Variants in KCNJ6 observed in about 807,000 individuals in gnomAD.
KCNJ6 encodes the protein G protein-activated inward rectifier potassium channel 2.
In KCNJ6, 9 loss-of-function variants were observed where a neutral mutation model predicts 34.2. That is an observed-to-expected ratio of 0.26 (90% CI 0.16 to 0.46). The LOEUF (loss-of-function observed/expected upper bound fraction) is 0.46. Among genes scored for constraint, KCNJ6 ranks in the 20% least tolerant of loss-of-function variants. The pLI is 1.00. For missense variants in KCNJ6, 236 were observed against 531.3 expected, an observed-to-expected ratio of 0.44 and a Z score of 5.46; for synonymous variants, 196 against 207.1, an observed-to-expected ratio of 0.95 and a Z score of 0.46.
At position 37,618,217 on chromosome 21, in the gene KCNJ6, T is replaced by C. The variant is rs2054279648; in HGVS notation, c.*6942A>G. The C allele has an allele frequency of 6.6e-6, 1 of 152,276 alleles. No individual in the cohort carries two copies. The highest frequency in any genetic ancestry group is 1.5e-5 in the Non-Finnish European group (1 of 68,088). 9.4% of individuals were successfully genotyped at this position (152,276 alleles called of 1,614,324 possible). A position where few individuals can be genotyped will look rare whatever the true frequency, so the allele number is the denominator to read the frequency against. ...GCTGAAGACCCAGAGGTTTGGGTAA[T>C]GCACGGCTGACCGAAACTCTGATCT... On this transcript the variant is annotated 3_prime_UTR_variant, in exon 4 of 4. Coordinates refer to ENST00000609713, the MANE Select transcript of KCNJ6 (RefSeq NM_002240.5).
At chr21:37,673,385 C>A (rs780108758) in intron 3 of KCNJ6, among the ~76,000 whole-genome samples, 1 of 152,262 alleles carries the variant, frequency 6.6e-6, no homozygotes, top group African/African-American at 2.4e-5. Flanking sequence ...TCCCCTCCCC[C>A]TCTTCCAGTC....
chr21:37,767,788 A>G (rs2055098639), intron 2 of KCNJ6, among the ~76,000 whole-genome samples: 1 of 152,204 alleles, frequency 6.6e-6, no homozygotes, highest in East Asian at 1.9e-4. Flanking sequence ...CTCTCCCTCC[A>G]ATAGTCCTAA....
At chr21:37,684,776 G>A (rs1440878119) in intron 3 of KCNJ6, among the ~76,000 whole-genome samples, 2 of 152,208 alleles carry the variant, frequency 1.3e-5, no homozygotes, top group African/African-American at 2.4e-5. Flanking sequence ...CTGCCCAGCC[G>A]AGTCAGCGGG....
intron 1 of KCNJ6, among the ~76,000 whole-genome samples, chr21:37,861,034 T>C (rs1005928623): frequency 6.6e-6 from 1 of 152,214 alleles, no homozygotes; most frequent in African/African-American, 2.4e-5. Flanking sequence ...TTTATGAAAC[T>C]ACAGTGAGAA....
chr21:37,773,382 C>T (rs540407115), intron 2 of KCNJ6, among the ~76,000 whole-genome samples: 1 of 152,308 alleles, frequency 6.6e-6, no homozygotes, highest in East Asian at 1.9e-4. Flanking sequence ...TCCTATTTAT[C>T]TTTATCTCAC....
At chr21:37,871,002 C>A (rs2055648983) in intron 1 of KCNJ6, among the ~76,000 whole-genome samples, 1 of 151,924 alleles carries the variant, frequency 6.6e-6, no homozygotes, top group Non-Finnish European at 1.5e-5. Flanking sequence ...TTTTTTTGGC[C>A]ACAATCATGC....
At chr21:37,837,380 A>G (rs1005832331) in intron 2 of KCNJ6, among the ~76,000 whole-genome samples, 3 of 152,316 alleles carry the variant, frequency 2.0e-5, no homozygotes, top group South Asian at 4.1e-4. Flanking sequence ...TTTAAAATCT[A>G]TCTCTTGCTT....
At chr21:37,915,469 A>T (rs2055888735) in intron 1 of KCNJ6, among the ~76,000 whole-genome samples, 1 of 152,158 alleles carries the variant, frequency 6.6e-6, no homozygotes, top group East Asian at 1.9e-4. Flanking sequence ...AAGCAGAACA[A>T]GAAGACTGCC....
chr21:37,752,218 T>G (rs1341823303), intron 2 of KCNJ6, among the ~76,000 whole-genome samples: 1 of 152,174 alleles, frequency 6.6e-6, no homozygotes, highest in East Asian at 1.9e-4. Flanking sequence ...GGGCCAGCCA[T>G]GCTTTGGAGG....
At chr21:37,761,104 G>A (rs577974762) in intron 2 of KCNJ6, among the ~76,000 whole-genome samples, 35 of 152,202 alleles carry the variant, frequency 2.3e-4, no homozygotes, top group African/African-American at 6.3e-4. Context: ...GTGGTGTTGC[G>A]TGTGTGTGTG....
In KCNJ6 at chr21:37,609,445, T is replaced by C. The variant is rs192659686; in HGVS notation, c.*15714A>G. The C allele has an allele frequency of 2.0e-5, 3 of 152,332 alleles. No individual in the cohort carries two copies. The highest frequency in any genetic ancestry group is 2.0e-4 in the Admixed American group (3 of 15,306). The allele number at this position is 152,332 out of a possible 1,614,324, so 9.4% of individuals were successfully genotyped here. A position where few individuals can be genotyped will look rare whatever the true frequency, so the allele number is the denominator to read the frequency against. On this transcript the variant is annotated 3_prime_UTR_variant, in exon 4 of 4. Transcript: ENST00000609713. ...GCACTGCTAGAGACTTTTGAACTAA[T>C]AGCTTTCTGGAATAATTTTCTATCC...
At chr21:37,676,790 T>C (rs974746753) in intron 3 of KCNJ6, among the ~76,000 whole-genome samples, 30 of 152,324 alleles carry the variant, frequency 2.0e-4, no homozygotes, top group African/African-American at 7.2e-4. Flanking sequence ...TGCACACAGC[T>C]TGCAAGGCGC....
chr21:37,794,896 G>GA (rs763664099), intron 2 of KCNJ6, among the ~76,000 whole-genome samples: 7 of 148,240 alleles, frequency 4.7e-5, no homozygotes, highest in African/African-American at 1.0e-4. Context: ...AAATAAAAAA[G>GA]AAAAAAAATA....
chr21:37,797,151 C>T (rs1406365869), intron 2 of KCNJ6, among the ~76,000 whole-genome samples: 1 of 151,982 alleles, frequency 6.6e-6, no homozygotes, highest in Admixed American at 6.6e-5. Flanking sequence ...CACCTCTCTG[C>T]CCCCTGGGTT....
At chr21:37,825,473 CA>C (rs2123558118) in intron 2 of KCNJ6, among the ~76,000 whole-genome samples, 1 of 152,254 alleles carries the variant, frequency 6.6e-6, no homozygotes, top group Admixed American at 6.5e-5. Context: ...TTCATATATA[CA>C]AACTCCTTGT....
chr21:37,796,626 T>G (rs912053679), intron 2 of KCNJ6, among the ~76,000 whole-genome samples: 4 of 152,072 alleles, frequency 2.6e-5, no homozygotes, highest in African/African-American at 9.7e-5. Flanking sequence ...CCTCCCCTCA[T>G]TGGACCTCAA....
Position 37,883,149 on chromosome 21 carries a change from A to T in KCNJ6, c.-28+32735T>A, listed in dbSNP as rs60278150. Among the ~76,000 whole-genome samples the T allele has an allele frequency of 2.6e-3, 398 of 152,328 alleles. 1 individual carries two copies. The highest frequency in any genetic ancestry group is 8.8e-3 in the African/African-American group (364 of 41,576). Reference sequence around the variant, plus strand: ...TCTCCAAGTAGTTGGGTAACCTGGGAGTTGCTTCACCTCCTTATGCCTTTG... The same window carrying T: ...TCTCCAAGTAGTTGGGTAACCTGGGTGTTGCTTCACCTCCTTATGCCTTTG... On this transcript the variant is annotated intron_variant, in intron 1 of 3. Coordinates refer to ENST00000609713, the MANE Select transcript of KCNJ6 (RefSeq NM_002240.5).
chr21:37,848,419 G>C (rs1222405355), intron 1 of KCNJ6, among the ~76,000 whole-genome samples: 1 of 152,162 alleles, frequency 6.6e-6, no homozygotes, highest in Non-Finnish European at 1.5e-5. Flanking sequence ...GCTCGAAGGA[G>C]GTGACATTTT....
At chr21:37,671,173 A>C (rs890318557) in intron 3 of KCNJ6, among the ~76,000 whole-genome samples, 2 of 152,184 alleles carry the variant, frequency 1.3e-5, no homozygotes, top group African/African-American at 4.8e-5. Context: ...CTGAAAGACC[A>C]TGGCATGATT....
Sources: gnomAD v4.1 joint callset for allele counts (sites outside exome capture counted in the v4.1 genomes callset) on GRCh38, gnomAD v4.1.1 for gene constraint, MANE v1.5 for transcripts, NCBI Gene and HGNC (gene_info 2026-07-23, HGNC 2026-07-21) for gene names.